The following ARHGAP12 variants were observed in gnomAD, a reference collection of about 807,000 sequenced individuals.
ARHGAP12 encodes Rho GTPase activating protein 12, also known as rho GTPase-activating protein 12.
A neutral mutation model predicts 108.6 loss-of-function variants in ARHGAP12; 64 were observed. That is an observed-to-expected ratio of 0.59 (90% confidence interval 0.48 to 0.73). The LOEUF (loss-of-function observed/expected upper bound fraction) is 0.73, where lower values mean the gene tolerates loss of function less well. Ranked by LOEUF, ARHGAP12 falls within the 30% of genes least tolerant of loss-of-function variation. The pLI is 0.00. For missense variants in ARHGAP12, 940 were observed against 1,005.9 expected (o/e 0.93, Z 0.89); for synonymous variants, 312 against 337.2 (o/e 0.93, Z 0.82).
At chr10:31,890,245 C>T (rs1043096362) in intron 3 of ARHGAP12, among the ~76,000 whole-genome samples, 1 of 152,096 alleles carries the variant, frequency 6.6e-6, no homozygotes, top group Non-Finnish European at 1.5e-5. Context: ...GTTCAGTCCC[C>T]ACATTGTCCT....
chr10:31,846,538 C>T (rs1836464834), intron 6 of ARHGAP12, among the ~76,000 whole-genome samples: 1 of 152,180 alleles, frequency 6.6e-6, no homozygotes, highest in Non-Finnish European at 1.5e-5. Context: ...TGTTATGCCA[C>T]TTCTTTCTGG....
At chr10:31,882,501 C>T (rs1196089164) in intron 3 of ARHGAP12, among the ~76,000 whole-genome samples, 1 of 152,022 alleles carries the variant, frequency 6.6e-6, no homozygotes, top group Non-Finnish European at 1.5e-5. Context: ...ACAAAATGCA[C>T]AAAACTATGA....
chr10:31,839,952 TACTC>T (rs1352439700), intron 7 of ARHGAP12, among the ~76,000 whole-genome samples: 1 of 152,124 alleles, frequency 6.6e-6, no homozygotes, highest in Non-Finnish European at 1.5e-5. Context: ...CATATGGAAT[TACTC>T]AAAAGAAATG....
At chr10:31,815,038 G>A (rs1051722987) in intron 13 of ARHGAP12, among the ~76,000 whole-genome samples, 6 of 151,082 alleles carry the variant, frequency 4.0e-5, no homozygotes, top group Non-Finnish European at 5.9e-5. Context: ...GAGAATCGGC[G>A]TGAACCTGGG....
intron 3 of ARHGAP12, among the ~76,000 whole-genome samples, chr10:31,863,762 G>A (rs1420583449): frequency 6.6e-6 from 1 of 152,036 alleles, no homozygotes; most frequent in African/African-American, 2.4e-5. Flanking sequence ...TAATTCTTTA[G>A]ATTCATAGAT....
At position 31,817,785 on chromosome 10, in the gene ARHGAP12, T is replaced by TA; in HGVS notation, c.1731+2dup. The TA allele has an allele frequency of 6.3e-7, 1 of 1,578,378 alleles. No homozygotes were observed. Reference sequence around the variant, plus strand: ...AAAAATTTTACCTAAGTCAACGACATACCTGATTATTGATTGTACTACTAA... The same window carrying TA: ...AAAAATTTTACCTAAGTCAACGACATAACCTGATTATTGATTGTACTACTAA... On this transcript the variant is annotated splice_region_variant and intron_variant, in intron 13 of 19. Coordinates refer to ENST00000344936, the MANE Select transcript of ARHGAP12 (RefSeq NM_018287.7).
intron 3 of ARHGAP12, among the ~76,000 whole-genome samples, chr10:31,899,762 A>T (rs965917505): frequency 1.3e-5 from 2 of 152,252 alleles, no homozygotes; most frequent in African/African-American, 4.8e-5. Context: ...GTGAGAAACT[A>T]TAAAAATTCT....
intron 11 of ARHGAP12, among the ~76,000 whole-genome samples, chr10:31,823,476 C>CAAAA (rs529281463): frequency 4.1e-4 from 53 of 128,096 alleles, no homozygotes; most frequent in African/African-American, 1.4e-3. Flanking sequence ...CACTCTCTGC[C>CAAAA]AAAAAAAAAA....
intron 1 of ARHGAP12, among the ~76,000 whole-genome samples, chr10:31,920,961 T>C (rs951437933): frequency 5.9e-5 from 9 of 152,278 alleles, no homozygotes; most frequent in Non-Finnish European, 1.2e-4. Context: ...AGCAACACAC[T>C]TCTAAATGAG....
At chr10:31,862,709 C>CACAG (rs1212520824) in intron 3 of ARHGAP12, among the ~76,000 whole-genome samples, 2 of 40,506 alleles carry the variant, frequency 4.9e-5, no homozygotes, top group Non-Finnish European at 1.1e-4. Flanking sequence ...CACACAGACA[C>CACAG]ACACACACAC....
chr10:31,858,153 T>C (rs1836956586), intron 4 of ARHGAP12, among the ~76,000 whole-genome samples: 2 of 152,056 alleles, frequency 1.3e-5, no homozygotes, highest in Non-Finnish European at 2.9e-5. Context: ...CAGTGAGAGC[T>C]ATGACCACAA....
chr10:31,882,049 G>C (rs376667594), intron 3 of ARHGAP12, among the ~76,000 whole-genome samples: 5 of 151,060 alleles, frequency 3.3e-5, no homozygotes, highest in African/African-American at 1.2e-4. Context: ...CAAGTAGCTG[G>C]GACTACAGGC....
At chr10:31,888,615 C>T (rs1353400271) in intron 3 of ARHGAP12, among the ~76,000 whole-genome samples, 2 of 152,106 alleles carry the variant, frequency 1.3e-5, no homozygotes, top group Non-Finnish European at 2.9e-5. Context: ...AATGAATAAT[C>T]CCCTCCTGGA....
intron 4 of ARHGAP12, among the ~76,000 whole-genome samples, chr10:31,858,329 C>T (rs1022131622): frequency 2.1e-4 from 32 of 152,164 alleles, no homozygotes; most frequent in African/African-American, 6.0e-4. Context: ...TGAAATACAA[C>T]ATATGACAGC....
chr10:31,859,043 TC>T (rs1837007825), intron 4 of ARHGAP12, among the ~76,000 whole-genome samples: 2 of 152,134 alleles, frequency 1.3e-5, no homozygotes, highest in South Asian at 4.1e-4. Flanking sequence ...AGAATCTCCT[TC>T]TACATACCTG....
At chr10:31,895,595 G>C (rs972737873) in intron 3 of ARHGAP12, among the ~76,000 whole-genome samples, 3 of 152,166 alleles carry the variant, frequency 2.0e-5, no homozygotes, top group African/African-American at 7.2e-5. Flanking sequence ...GGAAACAACA[G>C]GTGCTGGAGA....
At chr10:31,830,068 A>C (rs1835773932) in intron 10 of ARHGAP12, among the ~76,000 whole-genome samples, 1 of 152,202 alleles carries the variant, frequency 6.6e-6, no homozygotes, top group African/African-American at 2.4e-5. Flanking sequence ...TAGAAAACAT[A>C]GTTTTTCTTC....
intron 9 of ARHGAP12, among the ~76,000 whole-genome samples, chr10:31,837,293 A>T (rs759300496): frequency 6.6e-5 from 10 of 152,250 alleles, no homozygotes; most frequent in Non-Finnish European, 1.3e-4. Context: ...TCGTATGGCA[A>T]TTCTTGCCAA....
At chr10:31,914,678 T>C (rs947673102) in intron 1 of ARHGAP12, among the ~76,000 whole-genome samples, 1 of 152,174 alleles carries the variant, frequency 6.6e-6, no homozygotes, top group Non-Finnish European at 1.5e-5. Flanking sequence ...GGAACCTTTA[T>C]ATACTGTTGG....
Sources: allele counts gnomAD v4.1 joint callset (sites outside exome capture counted in the v4.1 genomes callset), GRCh38; gene constraint gnomAD v4.1.1; transcripts MANE v1.5; gene names NCBI Gene and HGNC (gene_info 2026-07-23, HGNC 2026-07-21).